Variants in DACH2 observed in about 807,000 individuals in gnomAD.
The protein encoded by DACH2 is dachshund homolog 2.
A neutral mutation model predicts 35.8 loss-of-function variants in DACH2; 17 were observed. That is an observed-to-expected ratio of 0.48 (90% confidence interval 0.33 to 0.71). DACH2 has a LOEUF of 0.71. DACH2 is among the 30% of genes least tolerant of loss of function. The pLI is 0.02. For synonymous variants in DACH2, 195 were observed against 177.3 expected, an observed-to-expected ratio of 1.10 and a Z score of -0.79; for missense variants, 469 against 472.7, an observed-to-expected ratio of 0.99 and a Z score of 0.07.
intron 2 of DACH2, among the ~76,000 whole-genome samples, chrX:86,470,955 G>A (rs1049465804): frequency 5.4e-5 from 6 of 110,917 alleles, no homozygotes; most frequent in African/African-American, 9.8e-5. Flanking sequence ...CTCAACCCCC[G>A]AAAATATCAT....
At position 86,686,311 on chromosome X, in the gene DACH2, C is replaced by A. The variant is rs189820443; in HGVS notation, c.773-8710C>A. 3.6e-5 allele frequency among the ~76,000 whole-genome samples: 4 copies of A among 110,933 alleles called. No individual in the cohort carries two copies. The East Asian group carries it at 1.1e-3, about 32-fold the overall frequency. ...TCAGTGGTATGATATCAGCTCACTG[C>A]AACCTCTGCCTCCTGGGTTCAAGCA... On this transcript the variant is annotated intron_variant, in intron 4 of 11. Coordinates refer to ENST00000373125, the MANE Select transcript of DACH2 (RefSeq NM_053281.3).
chrX:86,425,350 C>A (rs1396176943), intron 2 of DACH2, among the ~76,000 whole-genome samples: 1 of 110,546 alleles, frequency 9.0e-6, no homozygotes, highest in Admixed American at 9.6e-5. Flanking sequence ...TGACTTCAGT[C>A]TCATTACTTA....
At chrX:86,404,896 T>C (rs779332013) in intron 2 of DACH2, among the ~76,000 whole-genome samples, 1 of 112,165 alleles carries the variant, frequency 8.9e-6, no homozygotes, top group Non-Finnish European at 1.9e-5. Flanking sequence ...CAGATCTCAG[T>C]TTTTGACTTC....
At chrX:86,341,885 G>A (rs1455567677) in intron 1 of DACH2, among the ~76,000 whole-genome samples, 1 of 111,997 alleles carries the variant, frequency 8.9e-6, no homozygotes, top group African/African-American at 3.2e-5. Context: ...GCCTGAAGAT[G>A]TGAATGAATT....
intron 4 of DACH2, among the ~76,000 whole-genome samples, chrX:86,666,810 CTT>C (rs1288828824): frequency 9.0e-6 from 1 of 111,613 alleles, no homozygotes. Context: ...TGTAAAGAAA[CTT>C]TAGAAAATTA....
chrX:86,267,061 A>G (rs1028626967), intron 1 of DACH2, among the ~76,000 whole-genome samples: 6 of 112,167 alleles, frequency 5.3e-5, no homozygotes, highest in Non-Finnish European at 1.1e-4. Context: ...AAATTGACAA[A>G]TGATCATGAG....
chrX:86,398,908 G>A (rs2036359937), intron 2 of DACH2, among the ~76,000 whole-genome samples: 1 of 111,637 alleles, frequency 9.0e-6, no homozygotes, highest in East Asian at 2.8e-4. Context: ...GGTCCACTTG[G>A]TGCAGAGCTG....
At chrX:86,704,564 T>C (rs2041187526) in intron 5 of DACH2, among the ~76,000 whole-genome samples, 1 of 111,540 alleles carries the variant, frequency 9.0e-6, no homozygotes, top group African/African-American at 3.3e-5. Flanking sequence ...AAAGGACTAA[T>C]ATCCAGATTC....
chrX:86,203,575 G>T (rs1390852426), intron 1 of DACH2, among the ~76,000 whole-genome samples: 1 of 111,641 alleles, frequency 9.0e-6, no homozygotes, highest in Non-Finnish European at 1.9e-5. Context: ...GGAAGCAACC[G>T]AATTGTTTAT....
intron 3 of DACH2, among the ~76,000 whole-genome samples, chrX:86,561,901 T>A (rs1469919330): frequency 3.1e-5 from 2 of 65,073 alleles, no homozygotes; most frequent in Non-Finnish European, 5.6e-5. Flanking sequence ...AAAGTAGAAT[T>A]AAAAAAAAAA....
chrX:86,420,312 C>T (rs1262593392), intron 2 of DACH2, among the ~76,000 whole-genome samples: 7 of 111,756 alleles, frequency 6.3e-5, no homozygotes, highest in African/African-American at 2.3e-4. Context: ...TTTCTTTTGG[C>T]CAGAAATAAT....
chrX:86,214,734 C>T lies in DACH2; in HGVS notation c.488+65626C>T, dbSNP rs376533844. On this transcript the variant is annotated intron_variant, in intron 1 of 11. Transcript: ENST00000373125. Reference sequence around the variant, plus strand: ...ATTCAAAATAAAGAAAATTTAGCATCTTTTATAGCTGTAAACATTTGGGTT... The same window carrying T: ...ATTCAAAATAAAGAAAATTTAGCATTTTTTATAGCTGTAAACATTTGGGTT... Among the ~76,000 whole-genome samples, 5 of 111,553 alleles carry T rather than the reference C, an allele frequency of 4.5e-5. No homozygotes were observed. In the South Asian group the frequency reaches 1.9e-3, roughly 42 times the overall value.
intron 1 of DACH2, among the ~76,000 whole-genome samples, chrX:86,157,361 T>C (rs1469838650): frequency 1.8e-5 from 2 of 111,647 alleles, no homozygotes; most frequent in African/African-American, 3.2e-5. Flanking sequence ...CTGCTATTTA[T>C]GTGATGGGTT....
rs886589789 is a variant in DACH2 at position 86,337,815 on chromosome X, C to T, written c.489-39009C>T. Among the ~76,000 whole-genome samples the T allele has an allele frequency of 2.1e-4, 23 of 111,360 alleles. 1 individual carries two copies. The highest frequency in any genetic ancestry group is 7.6e-4 in the South Asian group (2 of 2,636). ...CCATCAGTGTGCTGTATTCAGGAGA[C>T]CCATCTCATGTGCAGAGACACACAC... On this transcript the variant is annotated intron_variant, in intron 1 of 11. Coordinates refer to ENST00000373125, the MANE Select transcript of DACH2 (RefSeq NM_053281.3).
intron 3 of DACH2, among the ~76,000 whole-genome samples, chrX:86,628,343 A>G (rs1365058982): frequency 8.9e-6 from 1 of 112,059 alleles, no homozygotes; most frequent in Non-Finnish European, 1.9e-5. Flanking sequence ...CATTTTAAAG[A>G]CATGAACATT....
intron 4 of DACH2, among the ~76,000 whole-genome samples, chrX:86,663,904 A>G (rs768576119): frequency 8.9e-6 from 1 of 111,951 alleles, no homozygotes; most frequent in South Asian, 3.7e-4. Context: ...CCTAATGTTT[A>G]TCTTAAATGG....
intron 3 of DACH2, among the ~76,000 whole-genome samples, chrX:86,642,400 G>A (rs1171981174): frequency 8.9e-6 from 1 of 111,855 alleles, no homozygotes; most frequent in Non-Finnish European, 1.9e-5. Context: ...TCAACAAGAA[G>A]AGCTAACTAT....
chrX:86,542,284 G>A (rs2038895596), intron 3 of DACH2, among the ~76,000 whole-genome samples: 1 of 111,497 alleles, frequency 9.0e-6, no homozygotes, highest in South Asian at 3.7e-4. Context: ...GTGTCGGGAG[G>A]TGGGGATTAC....
At chrX:86,324,019 C>T (rs1192516566) in intron 1 of DACH2, among the ~76,000 whole-genome samples, 4 of 111,802 alleles carry the variant, frequency 3.6e-5, no homozygotes, top group South Asian at 3.8e-4. Context: ...TAATCCTAGG[C>T]GAGCCCCCAA....
Sources: gnomAD v4.1 joint callset for allele counts (sites outside exome capture counted in the v4.1 genomes callset) on GRCh38, gnomAD v4.1.1 for gene constraint, MANE v1.5 for transcripts, NCBI Gene and HGNC (gene_info 2026-07-23, HGNC 2026-07-21) for gene names.